The following RAD18 variants were observed in gnomAD, a reference collection of about 807,000 sequenced individuals.
RAD18 encodes the protein RAD18 E3 ubiquitin protein ligase.
Under a neutral mutation model 60.4 loss-of-function variants are expected in RAD18, and 47 were observed. The observed-to-expected ratio is 0.78, with a 90% CI of 0.62 to 0.99. The LOEUF (loss-of-function observed/expected upper bound fraction) is 0.99. Ranked by LOEUF, RAD18 falls within the 50% of genes least tolerant of loss-of-function variation. RAD18 has a pLI of 0.00. For missense variants in RAD18, 640 were observed against 593.3 expected, an observed-to-expected ratio of 1.08 and a Z score of -0.82; for synonymous variants, 225 against 195.5, an observed-to-expected ratio of 1.15 and a Z score of -1.26.
chr3:8,962,384 A>C (rs1179925676), intron 1 of RAD18, among the ~76,000 whole-genome samples: 1 of 152,192 alleles, frequency 6.6e-6, no homozygotes, highest in Non-Finnish European at 1.5e-5. Context: ...CATCATGCAG[A>C]TATCTCAAGT....
At chr3:8,882,057 G>A (rs1939472442) in intron 12 of RAD18, among the ~76,000 whole-genome samples, 3 of 152,192 alleles carry the variant, frequency 2.0e-5, no homozygotes, top group Non-Finnish European at 2.9e-5. Flanking sequence ...ACGAGCCTCC[G>A]TCAGGTGCTC....
chr3:8,889,481 T>C (rs1306121391), intron 12 of RAD18, among the ~76,000 whole-genome samples: 3 of 152,110 alleles, frequency 2.0e-5, no homozygotes, highest in Non-Finnish European at 4.4e-5. Flanking sequence ...AATAATCATA[T>C]AAATGTGCTG....
intron 7 of RAD18, among the ~76,000 whole-genome samples, chr3:8,929,296 T>C (rs1940506230): frequency 6.6e-6 from 1 of 151,960 alleles, no homozygotes; most frequent in South Asian, 2.1e-4. Flanking sequence ...AAAATGAAGC[T>C]GAAGGATGAT....
In RAD18 at chr3:8,939,178, G is replaced by A. The variant is rs1225875085; in HGVS notation, c.704+376C>T. 9.2e-5 allele frequency among the ~76,000 whole-genome samples: 14 copies of A among 152,118 alleles called. 1 individual carries two copies. Among genetic ancestry groups the A allele is most frequent in the Non-Finnish European group, 2.1e-4 (14 of 67,980 alleles). ...AAACTTCTGAGCATCCTAAAGATCAGAGAAAGGTTTTTTATATCTTATATT... is the reference window on the plus strand; with the variant it reads ...AAACTTCTGAGCATCCTAAAGATCAAAGAAAGGTTTTTTATATCTTATATT... On this transcript the variant is annotated intron_variant, in intron 6 of 12. Coordinates refer to ENST00000264926, the MANE Select transcript of RAD18 (RefSeq NM_020165.4).
At chr3:8,945,468 CTTT>C (rs375744764) in intron 4 of RAD18, among the ~76,000 whole-genome samples, 3 of 96,372 alleles carry the variant, frequency 3.1e-5, no homozygotes, top group African/African-American at 1.1e-4. Context: ...TTTCCATCTT[CTTT>C]TTTTTTTTTT....
intron 10 of RAD18, among the ~76,000 whole-genome samples, chr3:8,899,371 A>C (rs1438019534): frequency 6.6e-6 from 1 of 152,350 alleles, no homozygotes; most frequent in East Asian, 1.9e-4. Context: ...CATAGATCAG[A>C]GAACACTGAC....
chr3:8,949,307 G>A (rs1225900759), intron 2 of RAD18, among the ~76,000 whole-genome samples: 1 of 152,122 alleles, frequency 6.6e-6, no homozygotes, highest in Non-Finnish European at 1.5e-5. Flanking sequence ...GTTTAGTTGA[G>A]GAGGAGACAG....
chr3:8,924,181 GAC>G (rs1282499790), intron 7 of RAD18, among the ~76,000 whole-genome samples: 8 of 151,898 alleles, frequency 5.3e-5, no homozygotes, highest in Admixed American at 2.0e-4. Flanking sequence ...CACATGCAGA[GAC>G]ACACATAGGC....
chr3:8,954,069 A>C (rs934540732), intron 2 of RAD18, among the ~76,000 whole-genome samples: 1 of 152,222 alleles, frequency 6.6e-6, no homozygotes, highest in Admixed American at 6.5e-5. Context: ...CTACACACAC[A>C]AAAGGGAGAT....
chr3:8,933,979 C>T (rs973221018), intron 7 of RAD18, among the ~76,000 whole-genome samples: 2 of 152,120 alleles, frequency 1.3e-5, no homozygotes, highest in African/African-American at 4.8e-5. Flanking sequence ...AAACAATGTC[C>T]AGGCCTACAC....
intron 11 of RAD18, among the ~76,000 whole-genome samples, chr3:8,891,829 A>C (rs998817714): frequency 6.6e-6 from 1 of 152,266 alleles, no homozygotes; most frequent in Non-Finnish European, 1.5e-5. Context: ...TGAAAAACAC[A>C]GTTGATGCTA....
rs1553625730 is a variant in RAD18 at position 8,915,160 on chromosome 3, A to AAAAAG, written c.890-1445_890-1441dup. ...GAGACTCCGTCTCAAAAAAAAAAAA[A>AAAAAG]AAAAGAAAACTATATTAGGATTGGG... On this transcript the variant is annotated intron_variant, in intron 7 of 12. Coordinates refer to ENST00000264926, the MANE Select transcript of RAD18 (RefSeq NM_020165.4). Among the ~76,000 whole-genome samples the AAAAAG allele has an allele frequency of 3.9e-3, 585 of 151,332 alleles. 8 individuals carry two copies. Among genetic ancestry groups the AAAAAG allele is most frequent in the African/African-American group, 0.014 (566 of 41,310 alleles).
chr3:8,953,028 G>A (rs1304017472), intron 2 of RAD18, among the ~76,000 whole-genome samples: 6 of 151,984 alleles, frequency 3.9e-5, no homozygotes, highest in Non-Finnish European at 7.4e-5. Flanking sequence ...TCTACTGAAT[G>A]TGTATCGCTT....
At chr3:8,920,743 C>G (rs1940303741) in intron 7 of RAD18, among the ~76,000 whole-genome samples, 1 of 152,188 alleles carries the variant, frequency 6.6e-6, no homozygotes, top group Non-Finnish European at 1.5e-5. Flanking sequence ...AACACACACA[C>G]ACAACAAAGA....
At chr3:8,930,062 TACTCTTAGGTAAAG>T (rs1300312975) in intron 7 of RAD18, among the ~76,000 whole-genome samples, 6 of 152,208 alleles carry the variant, frequency 3.9e-5, no homozygotes, top group African/African-American at 7.2e-5. Flanking sequence ...TCAGCAATTC[TACTCTTAGGTAAAG>T]ACACAATAGA....
rs774590913 is a variant in RAD18 at position 8,913,690 on chromosome 3, A to G, written c.920T>C (p.Ile307Thr). Residue 307 changes from isoleucine to threonine, a missense_variant, in exon 8 of 13, where the codon ATA becomes ACA. Coordinates refer to ENST00000264926, the MANE Select transcript of RAD18 (RefSeq NM_020165.4). ...TTCAAGACGCATCCTAGTCTTCTCT[A>G]TATTTTCGATTTCTCGAACTATTTC... ...AAEIVREIEN[I>T]EKTRMRLEAS... The G allele has an allele frequency of 3.8e-6, 6 of 1,579,430 alleles. No homozygotes were observed. In the African/African-American group the frequency reaches 4.1e-5, roughly 11 times the overall value.
intron 9 of RAD18, among the ~76,000 whole-genome samples, chr3:8,907,490 G>C (rs1297882428): frequency 6.6e-6 from 1 of 152,130 alleles, no homozygotes; most frequent in Admixed American, 6.5e-5. Context: ...AGTGAAAACA[G>C]CTGACCCCAT....
chr3:8,946,033 T>C (rs1940834045), intron 4 of RAD18, among the ~76,000 whole-genome samples: 1 of 142,660 alleles, frequency 7.0e-6, no homozygotes, highest in South Asian at 2.4e-4. Context: ...GTACAGTGTT[T>C]ATAAAGTCTA....
rs1046799179 is a variant in RAD18, at chr3:8,930,644, T to A, written c.889+5227A>T. ...ATAAATAAAAATATAATAATCTCAA[T>A]AGATGTAGAATAAGGAAATGACAAT... On this transcript the variant is annotated intron_variant, in intron 7 of 12. Transcript: ENST00000264926. Among the ~76,000 whole-genome samples, 39 of 152,290 alleles carry A rather than the reference T, an allele frequency of 2.6e-4. No individual in the cohort carries two copies. In the Middle Eastern group the frequency reaches 0.01, roughly 40 times the overall value.
Sources: allele counts gnomAD v4.1 joint callset (sites outside exome capture counted in the v4.1 genomes callset), GRCh38; gene constraint gnomAD v4.1.1; transcripts MANE v1.5; gene names NCBI Gene and HGNC (gene_info 2026-07-23, HGNC 2026-07-21).